The following LRP1B variants were observed in gnomAD, a reference collection of about 807,000 sequenced individuals.
The protein encoded by LRP1B is low-density lipoprotein receptor-related protein 1B.
In LRP1B, 217 loss-of-function variants were observed where a neutral mutation model predicts 556.6. That is an observed-to-expected ratio of 0.39 (90% CI 0.35 to 0.44). The LOEUF (loss-of-function observed/expected upper bound fraction) is 0.44, where lower values mean the gene tolerates loss of function less well. LRP1B is among the 20% of genes least tolerant of loss of function. LRP1B has a pLI of 1.00. For missense variants in LRP1B, 5,053 were observed against 5,620.8 expected (o/e 0.90, Z 3.23); for synonymous variants, 2,047 against 1,865.8 (o/e 1.10, Z -2.50).
chr2:140,959,462 C>T (rs1695970692), intron 18 of LRP1B, among the ~76,000 whole-genome samples: 1 of 151,218 alleles, frequency 6.6e-6, no homozygotes, highest in South Asian at 2.1e-4. Context: ...TTCTCCCTGG[C>T]AATTAAAATA....
At chr2:140,579,150 C>T (rs79807775) in intron 43 of LRP1B, among the ~76,000 whole-genome samples, 1,795 of 152,168 alleles carry the variant, frequency 0.012, 14 homozygotes, top group South Asian at 0.017. Flanking sequence ...TATGACACTT[C>T]GGGAGAACAA....
chr2:141,758,265 C>T (rs544346483), intron 2 of LRP1B, among the ~76,000 whole-genome samples: 1 of 152,244 alleles, frequency 6.6e-6, no homozygotes, highest in South Asian at 2.1e-4. Context: ...ACATCACATA[C>T]TGCTTTGTAT....
intron 1 of LRP1B, among the ~76,000 whole-genome samples, chr2:142,107,428 G>A (rs4662389): frequency 0.67 from 101,583 of 151,798 alleles, 34,164 homozygotes; most frequent in East Asian, 0.71. Flanking sequence ...TTGCACCTCT[G>A]CCTTCTGCTA....
At chr2:141,312,785 T>G (rs898339731) in intron 3 of LRP1B, among the ~76,000 whole-genome samples, 1 of 152,022 alleles carries the variant, frequency 6.6e-6, no homozygotes, top group African/African-American at 2.4e-5. Flanking sequence ...GCCTCCCAGG[T>G]TCAAGAGATT....
chr2:140,266,606 T>C (rs1198152309), intron 86 of LRP1B, among the ~76,000 whole-genome samples: 1 of 152,080 alleles, frequency 6.6e-6, no homozygotes, highest in Non-Finnish European at 1.5e-5. Flanking sequence ...CTTTTTCTAT[T>C]CTCAGCTACC....
chr2:141,174,915 T>G (rs1437353325), intron 7 of LRP1B, among the ~76,000 whole-genome samples: 1 of 151,874 alleles, frequency 6.6e-6, no homozygotes, highest in Non-Finnish European at 1.5e-5. Flanking sequence ...CAGGCAGAGG[T>G]GGTTTTAGAT....
At chr2:140,624,719 C>T (rs1683592458) in intron 41 of LRP1B, among the ~76,000 whole-genome samples, 1 of 152,120 alleles carries the variant, frequency 6.6e-6, no homozygotes, top group Non-Finnish European at 1.5e-5. Flanking sequence ...AACTCTATTT[C>T]CATCAGGTCC....
At chr2:141,664,045 C>T (rs1034860369) in intron 2 of LRP1B, among the ~76,000 whole-genome samples, 1 of 152,000 alleles carries the variant, frequency 6.6e-6, no homozygotes, top group South Asian at 2.1e-4. Context: ...CTTCCCTGCT[C>T]GATCAAGTCA....
Position 140,929,945 on chromosome 2 carries a change from T to A in LRP1B, c.3137-6798A>T, listed in dbSNP as rs191917941. On this transcript the variant is annotated intron_variant, in intron 20 of 90. Transcript: ENST00000389484. Reference sequence around the variant, plus strand: ...GAAAACAGAAAAAAGTCATGAGGTTTTATTATCTCTTGACCTTCTCGCCAA... The same window carrying A: ...GAAAACAGAAAAAAGTCATGAGGTTATATTATCTCTTGACCTTCTCGCCAA... 8.3e-4 allele frequency among the ~76,000 whole-genome samples: 126 copies of A among 152,192 alleles called. 1 individual carries two copies. Among genetic ancestry groups the A allele is most frequent in the Non-Finnish European group, 1.6e-4 (11 of 68,006 alleles).
chr2:140,525,232 T>C (rs11891453), intron 49 of LRP1B, among the ~76,000 whole-genome samples: 7,031 of 151,866 alleles, frequency 0.046, 536 homozygotes, highest in African/African-American at 0.16. Flanking sequence ...CATAGTTCTT[T>C]TTATAATTTT....
intron 23 of LRP1B, among the ~76,000 whole-genome samples, chr2:140,889,739 G>T (rs940374693): frequency 3.9e-5 from 6 of 152,164 alleles, no homozygotes; most frequent in African/African-American, 1.4e-4. Flanking sequence ...CACACAGCTC[G>T]TAAGTGGAGG....
intron 66 of LRP1B, among the ~76,000 whole-genome samples, chr2:140,409,628 A>G (rs914908403): frequency 2.0e-5 from 3 of 152,040 alleles, no homozygotes; most frequent in Non-Finnish European, 4.4e-5. Flanking sequence ...AATAAACATT[A>G]ATAACAGCTA....
At chr2:140,310,856 A>T (rs1262457096) in intron 83 of LRP1B, among the ~76,000 whole-genome samples, 1 of 151,968 alleles carries the variant, frequency 6.6e-6, no homozygotes, top group Non-Finnish European at 1.5e-5. Flanking sequence ...ATTTATAACT[A>T]AAACTTCAAA....
chr2:141,378,865 C>T lies in LRP1B; in HGVS notation c.343+101531G>A, dbSNP rs570352006. 8.5e-5 allele frequency among the ~76,000 whole-genome samples: 13 copies of T among 152,184 alleles called. No individual in the cohort carries two copies. In the South Asian group the frequency reaches 2.7e-3, roughly 32 times the overall value. ...AAATATGAAGAAGAATGAACAGACA[C>T]TAAGAAACCTGTGAGATGCCACCGA... is the stretch of plus-strand genomic sequence containing the variant. On this transcript the variant is annotated intron_variant, in intron 3 of 90. Coordinates refer to ENST00000389484, the MANE Select transcript of LRP1B (RefSeq NM_018557.3).
intron 53 of LRP1B, among the ~76,000 whole-genome samples, chr2:140,504,349 T>C (rs148645741): frequency 1.3e-5 from 2 of 152,298 alleles, no homozygotes; most frequent in East Asian, 1.9e-4. Context: ...TCTACCTTCC[T>C]GGACTTCTTT....
chr2:141,061,405 T>A lies in LRP1B; in HGVS notation c.1236+646A>T, dbSNP rs534095940. 6.6e-5 allele frequency among the ~76,000 whole-genome samples: 10 copies of A among 151,908 alleles called. No homozygotes were observed. In the South Asian group the frequency reaches 1.7e-3, roughly 25 times the overall value. On this transcript the variant is annotated intron_variant, in intron 8 of 90. Coordinates refer to ENST00000389484, the MANE Select transcript of LRP1B (RefSeq NM_018557.3). ...GTGCCATTAGTGAGATAAAATCAGA[T>A]TTTTAAATATATTATAGTAAATAAG...
chr2:140,485,690 G>A (rs1688436912), intron 58 of LRP1B, among the ~76,000 whole-genome samples, 166 bp from the exon 59 acceptor site: 1 of 151,940 alleles, frequency 6.6e-6, no homozygotes, highest in African/African-American at 2.4e-5. Flanking sequence ...ACTTGTTTGT[G>A]AGAAATTACC....
chr2:141,490,189 C>T (rs899819474), intron 2 of LRP1B, among the ~76,000 whole-genome samples: 1 of 152,026 alleles, frequency 6.6e-6, no homozygotes, highest in African/African-American at 2.4e-5. Context: ...ACATATAGAG[C>T]TTTATTTATG....
intron 32 of LRP1B, 79 bp from the exon 33 acceptor site, chr2:140,776,317 T>C: frequency 1.1e-6 from 1 of 883,176 alleles, no homozygotes; most frequent in Non-Finnish European, 1.6e-6. Flanking sequence ...TAAACTATAA[T>C]ACTCTCTGAT....
Sources: gnomAD v4.1 joint callset for allele counts (sites outside exome capture counted in the v4.1 genomes callset) on GRCh38, gnomAD v4.1.1 for gene constraint, MANE v1.5 for transcripts, NCBI Gene and HGNC (gene_info 2026-07-23, HGNC 2026-07-21) for gene names.